Variants in NTRK3 observed in about 807,000 individuals in gnomAD.
NTRK3 encodes the protein neurotrophic receptor tyrosine kinase 3, also known as NT-3 growth factor receptor.
NTRK3 carries 24 observed loss-of-function variants against 91.7 expected under a neutral mutation model. The observed-to-expected ratio is 0.26, with a 90% CI of 0.19 to 0.37. The LOEUF is 0.37. NTRK3 is among the 10% of genes least tolerant of loss of function. NTRK3 has a pLI of 1.00. For synonymous variants in NTRK3, 483 were observed against 404.0 expected (o/e 1.20, Z -2.34); for missense variants, 880 against 1,068.9 (o/e 0.82, Z 2.46).
chr15:88,151,753 G>A (rs934769830), intron 5 of NTRK3, among the ~76,000 whole-genome samples: 16 of 152,224 alleles, frequency 1.1e-4, no homozygotes, highest in African/African-American at 3.9e-4. Flanking sequence ...GAGTTGGGCT[G>A]ACATTTGGAA....
At chr15:88,191,914 C>T (rs1394980744) in intron 3 of NTRK3, among the ~76,000 whole-genome samples, 1 of 152,334 alleles carries the variant, frequency 6.6e-6, no homozygotes, top group South Asian at 2.1e-4. Flanking sequence ...GGGAGCCAGA[C>T]CTGAGAGCCC....
intron 13 of NTRK3, among the ~76,000 whole-genome samples, chr15:88,104,439 C>T (rs189669742): frequency 3.3e-4 from 50 of 152,302 alleles, no homozygotes; most frequent in African/African-American, 1.2e-3. Context: ...CCACTTTTTC[C>T]TTGCTGTGTG....
At chr15:88,090,279 G>A (rs1432117763) in intron 13 of NTRK3, among the ~76,000 whole-genome samples, 1 of 152,170 alleles carries the variant, frequency 6.6e-6, no homozygotes, top group African/African-American at 2.4e-5. Flanking sequence ...GTCCCCACCA[G>A]AATGTAAGCT....
chr15:87,991,368 G>C (rs1385427842), intron 14 of NTRK3, among the ~76,000 whole-genome samples: 2 of 152,160 alleles, frequency 1.3e-5, no homozygotes, highest in East Asian at 3.9e-4. Context: ...AGAATCCTCA[G>C]ATGATTTCTA....
chr15:87,943,195 G>C (rs897413116), intron 14 of NTRK3, among the ~76,000 whole-genome samples: 5 of 152,280 alleles, frequency 3.3e-5, no homozygotes, highest in Admixed American at 1.3e-4. Context: ...ACCACACTTT[G>C]AGAATCACCA....
chr15:87,979,528 A>C, intron 14 of NTRK3: 1 of 1,080,720 alleles, frequency 9.3e-7, no homozygotes, highest in Non-Finnish European at 1.4e-6. Context: ...AAAACCCCCA[A>C]AGAAGATCAA....
At chr15:88,160,551 A>T (rs1597679702) in intron 5 of NTRK3, among the ~76,000 whole-genome samples, 1 of 152,140 alleles carries the variant, frequency 6.6e-6, no homozygotes, top group East Asian at 1.9e-4. Context: ...GATCCTGCGC[A>T]TGTAAAAAGC....
At chr15:87,931,162 A>C (rs1408943891) in intron 16 of NTRK3, 1 of 508,272 alleles carries the variant, frequency 2.0e-6, no homozygotes, top group African/African-American at 1.9e-5. Context: ...CCCTTTTATC[A>C]TGTATGACAG....
rs186738513 is a variant in NTRK3 at position 88,164,196 on chromosome 15, G to A, written c.396-16793C>T. 4.6e-5 allele frequency among the ~76,000 whole-genome samples: 7 copies of A among 152,308 alleles called. 1 individual carries two copies. The highest frequency in any genetic ancestry group is 3.9e-4 in the East Asian group (2 of 5,166). On this transcript the variant is annotated intron_variant, in intron 5 of 18. Transcript: ENST00000394480. The stretch of plus-strand genomic sequence containing the variant: ...GGCTTAGAATTTGAATTTTCCCCAC[G>A]GTCTTGGCCCCTTGCTGGACCCACA...
At chr15:88,131,318 A>G (rs775329248) in intron 10 of NTRK3, among the ~76,000 whole-genome samples, 2 of 152,230 alleles carry the variant, frequency 1.3e-5, no homozygotes, top group Non-Finnish European at 2.9e-5. Context: ...TCTATTAAGT[A>G]TGAACCAGCA....
At chr15:88,051,970 T>G (rs768504031) in intron 13 of NTRK3, among the ~76,000 whole-genome samples, 4 of 152,196 alleles carry the variant, frequency 2.6e-5, no homozygotes, top group Non-Finnish European at 5.9e-5. Flanking sequence ...CTTTATTAGA[T>G]GTAGAGAAGA....
In NTRK3 at chr15:88,069,668, C is replaced by T. The variant is rs532013337; in HGVS notation, c.1397-36623G>A. Among the ~76,000 whole-genome samples the T allele has an allele frequency of 9.9e-5, 15 of 152,274 alleles. 2 individuals carry two copies. In the South Asian group the frequency reaches 2.5e-3, roughly 25 times the overall value. ...ACAGGGCTGGAGGCAGATGGGGCCA[C>T]GATATGAAGGAAATTGGCACAGAAC... On this transcript the variant is annotated intron_variant, in intron 13 of 18. Transcript: ENST00000394480.
chr15:88,121,007 G>A (rs770987603), intron 13 of NTRK3, among the ~76,000 whole-genome samples: 27 of 152,206 alleles, frequency 1.8e-4, no homozygotes, highest in Admixed American at 1.4e-3. Flanking sequence ...CAAGAAGTAT[G>A]AAGTAATTCT....
chr15:88,053,597 G>A (rs1223935454), intron 13 of NTRK3, among the ~76,000 whole-genome samples: 2 of 152,158 alleles, frequency 1.3e-5, no homozygotes, highest in African/African-American at 4.8e-5. Context: ...AAGTTCTTTG[G>A]GACCTCAGCT....
intron 14 of NTRK3, among the ~76,000 whole-genome samples, chr15:87,988,725 T>C (rs771150567): frequency 2.6e-5 from 4 of 152,190 alleles, no homozygotes; most frequent in Non-Finnish European, 5.9e-5. Flanking sequence ...CTAATGATTA[T>C]TTTATGAATA....
intron 13 of NTRK3, among the ~76,000 whole-genome samples, chr15:88,050,936 TATG>T (rs1028511411): frequency 1.3e-5 from 2 of 152,310 alleles, no homozygotes; most frequent in Admixed American, 6.5e-5. Context: ...TAGGAAACAA[TATG>T]ATAAGAGAGC....
chr15:87,872,052 G>A (rs1341311513), exon 19 of NTRK3: 2 of 221,412 alleles, frequency 9.0e-6, no homozygotes, highest in Non-Finnish European at 1.8e-5. Flanking sequence ...ACCCAAGCCC[G>A]GAACTAAATG....
intron 5 of NTRK3, among the ~76,000 whole-genome samples, chr15:88,175,381 TAG>T (rs10692744): frequency 0.011 from 1,603 of 148,946 alleles, 20 homozygotes; most frequent in Non-Finnish European, 0.016. Flanking sequence ...CACAGAGAGA[TAG>T]AGAGAGAGAG....
intron 13 of NTRK3, among the ~76,000 whole-genome samples, chr15:88,104,305 TA>T (rs1313816441): frequency 3.9e-5 from 6 of 152,228 alleles, no homozygotes; most frequent in African/African-American, 7.2e-5. Flanking sequence ...AGTTTTAAAG[TA>T]AAATACATTT....
Sources: allele counts gnomAD v4.1 joint callset (sites outside exome capture counted in the v4.1 genomes callset), GRCh38; gene constraint gnomAD v4.1.1; transcripts MANE v1.5; gene names NCBI Gene and HGNC (gene_info 2026-07-23, HGNC 2026-07-21).